The following THRB variants were observed in gnomAD, a reference collection of about 807,000 sequenced individuals.
The protein encoded by THRB is thyroid hormone receptor beta.
Under a neutral mutation model 47.8 loss-of-function variants are expected in THRB, and 12 were observed. The observed-to-expected ratio is 0.25, with a 90% CI of 0.16 to 0.41. THRB has a LOEUF of 0.41. Among genes scored for constraint, THRB ranks in the 10% least tolerant of loss-of-function variants. The pLI is 1.00. For missense variants in THRB, 348 were observed against 589.2 expected (o/e 0.59, Z 4.24); for synonymous variants, 218 against 212.2 (o/e 1.03, Z -0.24).
At chr3:24,340,167 G>A (rs1467140595) in intron 1 of THRB, among the ~76,000 whole-genome samples, 2 of 152,196 alleles carry the variant, frequency 1.3e-5, no homozygotes, top group African/African-American at 2.4e-5. Flanking sequence ...CTCTTTACTG[G>A]CCTGTTTTTT....
intron 2 of THRB, among the ~76,000 whole-genome samples, chr3:24,299,167 G>A (rs1356349555): frequency 1.4e-5 from 2 of 147,722 alleles, no homozygotes; most frequent in Admixed American, 6.8e-5. Context: ...AGAATGGCGT[G>A]AACCCGGGAG....
intron 3 of THRB, among the ~76,000 whole-genome samples, chr3:24,234,834 A>G (rs1380994179): frequency 6.6e-6 from 1 of 152,226 alleles, no homozygotes; most frequent in Non-Finnish European, 1.5e-5. Context: ...GTACCAAAAA[A>G]GCCCAGGGTA....
intron 1 of THRB, chr3:24,348,864 A>G (rs561894502): frequency 9.2e-5 from 14 of 152,268 alleles, no homozygotes; most frequent in African/African-American, 2.6e-4. Context: ...AAAACATTAT[A>G]CTAGAAATTG....
chr3:24,319,966 C>T (rs2058373624), intron 2 of THRB, among the ~76,000 whole-genome samples: 1 of 152,214 alleles, frequency 6.6e-6, no homozygotes, highest in African/African-American at 2.4e-5. Context: ...CTGGAGGTCA[C>T]ACCTGTAGCA....
At chr3:24,128,996 C>A (rs928361899) in intron 9 of THRB, among the ~76,000 whole-genome samples, 2 of 149,070 alleles carry the variant, frequency 1.3e-5, no homozygotes, top group African/African-American at 4.9e-5. Flanking sequence ...ACGCTCTTGG[C>A]AATACTCAAC....
Position 24,152,484 on chromosome 3 carries a change from A to G in THRB, c.290T>C (p.Ile97Thr). The G allele has an allele frequency of 6.4e-7, 1 of 1,552,690 alleles. No homozygotes were observed. The highest frequency in any genetic ancestry group is 8.9e-7 in the Non-Finnish European group (1 of 1,124,272). ...CTCGTCCTTGTCTAAGTAACTGGGG[A>G]TGTACCCTGTGAAGGAAATAAAAGA... is the stretch of plus-strand genomic sequence containing the variant. ...QTEEKKCKGY[I>T]PSYLDKDELC... Residue 97 changes from isoleucine to threonine, a missense_variant, in exon 6 of 11, where the codon ATC becomes ACC. Around this residue, in one of 5 missense-constraint regions of THRB, gnomAD observed 148 missense variants for 122.3 expected, o/e 1.21. Transcript: ENST00000646209.
intron 1 of THRB, among the ~76,000 whole-genome samples, chr3:24,373,137 T>C (rs1053483319): frequency 6.6e-6 from 1 of 152,010 alleles, no homozygotes; most frequent in African/African-American, 2.4e-5. Context: ...AAGAGGGTTC[T>C]ACAACTTAAA....
intron 2 of THRB, among the ~76,000 whole-genome samples, chr3:24,324,428 C>G (rs1326274077): frequency 6.6e-6 from 1 of 151,992 alleles, no homozygotes; most frequent in Non-Finnish European, 1.5e-5. Context: ...GCACACTGAC[C>G]AAGGCATTTT....
intron 1 of THRB, among the ~76,000 whole-genome samples, chr3:24,428,237 T>C (rs1041605230): frequency 2.6e-5 from 4 of 152,026 alleles, no homozygotes; most frequent in Non-Finnish European, 5.9e-5. Flanking sequence ...CAAAATATTA[T>C]TGAGTACCTA....
chr3:24,398,365 G>T (rs1347737674), intron 1 of THRB, among the ~76,000 whole-genome samples: 1 of 152,046 alleles, frequency 6.6e-6, no homozygotes, highest in East Asian at 1.9e-4. Flanking sequence ...AATCTACAAA[G>T]AACTCAAACA....
chr3:24,334,464 G>T (rs1209871453), intron 2 of THRB, among the ~76,000 whole-genome samples: 1 of 152,138 alleles, frequency 6.6e-6, no homozygotes. Context: ...CAAAAATGAG[G>T]TTTATATCAG....
At chr3:24,332,643 A>G (rs533895771) in intron 2 of THRB, among the ~76,000 whole-genome samples, 3 of 152,260 alleles carry the variant, frequency 2.0e-5, no homozygotes, top group Non-Finnish European at 4.4e-5. Flanking sequence ...GTCTACAAAC[A>G]GAGAATAAAA....
At chr3:24,267,887 T>C (rs1662969043) in intron 3 of THRB, among the ~76,000 whole-genome samples, 1 of 152,188 alleles carries the variant, frequency 6.6e-6, no homozygotes, top group Non-Finnish European at 1.5e-5. Flanking sequence ...AAAGCCTTCC[T>C]TATCATGAAT....
rs1318480821 is a variant in THRB, at chr3:24,122,294, G to A, written c.*590C>T. On this transcript the variant is annotated 3_prime_UTR_variant, in exon 11 of 11. Coordinates refer to ENST00000646209, the MANE Select transcript of THRB (RefSeq NM_001354712.2). ...AATTAAACCATAACGTTATAAAAAT[G>A]ATATTGGAAGGGCAGCTGATTTTTT... is the stretch of plus-strand genomic sequence containing the variant. The A allele has an allele frequency of 1.3e-5, 2 of 159,050 alleles. No homozygotes were observed. Among genetic ancestry groups the A allele is most frequent in the Non-Finnish European group, 2.8e-5 (2 of 71,524 alleles). The allele number at this position is 159,050 out of a possible 1,614,324, so 9.9% of individuals were successfully genotyped here. A position where few individuals can be genotyped will look rare whatever the true frequency, so the allele number is the denominator to read the frequency against.
At chr3:24,146,077 C>T (rs1301652565) in intron 7 of THRB, among the ~76,000 whole-genome samples, 6 of 152,254 alleles carry the variant, frequency 3.9e-5, no homozygotes, top group African/African-American at 1.2e-4. Flanking sequence ...CTGGGTAGGA[C>T]GACTTCAGCT....
intron 3 of THRB, among the ~76,000 whole-genome samples, chr3:24,244,078 G>A (rs1474813160): frequency 1.3e-5 from 2 of 152,150 alleles, no homozygotes; most frequent in African/African-American, 4.8e-5. Flanking sequence ...GCTGGGTGGT[G>A]GGGGTGAGGG....
chr3:24,218,993 G>A (rs1185336076), intron 4 of THRB, among the ~76,000 whole-genome samples: 1 of 152,196 alleles, frequency 6.6e-6, no homozygotes, highest in African/African-American at 2.4e-5. Context: ...AAGCTCGGGC[G>A]TGGTGGCTCA....
chr3:24,358,059 C>G (rs1251630710), intron 1 of THRB, among the ~76,000 whole-genome samples: 3 of 152,004 alleles, frequency 2.0e-5, no homozygotes, highest in Non-Finnish European at 4.4e-5. Flanking sequence ...TATCCTTAGC[C>G]CAGAGAACAG....
chr3:24,471,598 T>C (rs1461183361), intron 1 of THRB, among the ~76,000 whole-genome samples: 2 of 152,206 alleles, frequency 1.3e-5, no homozygotes, highest in East Asian at 1.9e-4. Flanking sequence ...CCCAGCTTTG[T>C]GGCCCTTGAA....
Sources: gnomAD v4.1 joint callset for allele counts (sites outside exome capture counted in the v4.1 genomes callset) on GRCh38, gnomAD v4.1.1 for gene constraint, gnomAD v4.1.1 regional missense constraint, MANE v1.5 for transcripts, NCBI Gene and HGNC (gene_info 2026-07-23, HGNC 2026-07-21) for gene names.